The following SMG9 variants were observed in gnomAD, a reference collection of about 807,000 sequenced individuals.
The protein encoded by SMG9 is nonsense-mediated mRNA decay factor SMG9.
A neutral mutation model predicts 64.0 loss-of-function variants in SMG9; 55 were observed. The ratio of observed to expected loss-of-function variants is 0.86; its 90% CI spans 0.69 to 1.08. The LOEUF is 1.08. Ranked by LOEUF, SMG9 falls within the 50% of genes least tolerant of loss-of-function variation. The pLI, the probability that SMG9 is intolerant of heterozygous loss-of-function variation, is 0.00. For missense variants in SMG9, 554 were observed against 681.3 expected (o/e 0.81, Z 2.08); for synonymous variants, 244 against 254.8 (o/e 0.96, Z 0.41).
Position 43,754,716 on chromosome 19 carries a change from T to G in SMG9, c.-69A>C, listed in dbSNP as rs1037242887. ...GCGCTCTCCCGTGACGGGAGTCGGG[T>G]GGGGGCGGGGAGGCTGACCCAAGCC... On this transcript the variant is annotated 5_prime_UTR_variant, in exon 1 of 14. Transcript: ENST00000270066. 1.2e-4 allele frequency: 18 copies of G among 150,636 alleles called. No homozygotes were observed. Among genetic ancestry groups the G allele is most frequent in the African/African-American group, 4.1e-4 (17 of 40,998 alleles). The allele number at this position is 150,636 out of a possible 1,614,324, so 9.3% of individuals were successfully genotyped here.
In SMG9 at chr19:43,747,197, TGG is replaced by T. The variant is rs547141556; in HGVS notation, c.588+243_588+244del. On this transcript the variant is annotated intron_variant, in intron 5 of 13. Coordinates refer to ENST00000270066, the MANE Select transcript of SMG9 (RefSeq NM_019108.4). ...ATGGCACGGGAGATCCCAGGGGTCC[TGG>T]GGTGGTAGTGAGAGTACTTCTTTAC... 2.5e-3 allele frequency among the ~76,000 whole-genome samples: 385 copies of T among 152,302 alleles called. 1 individual carries two copies. The highest frequency in any genetic ancestry group is 8.7e-3 in the African/African-American group (361 of 41,566).
chr19:43,750,332 T>C (rs1333211830), intron 2 of SMG9: 1 of 659,500 alleles, frequency 1.5e-6, no homozygotes, highest in Non-Finnish European at 2.8e-6. Flanking sequence ...CTGTCTGGAA[T>C]GCTCTTCATC....
chr19:43,746,236 A>G (rs530659660), intron 5 of SMG9, among the ~76,000 whole-genome samples: 39 of 152,348 alleles, frequency 2.6e-4, no homozygotes, highest in African/African-American at 9.1e-4. Flanking sequence ...TTAAAGCAGA[A>G]TATCTATGGA....
chr19:43,750,851 G>A (rs1375316906), intron 1 of SMG9, 104 bp from the exon 2 acceptor site: 4 of 1,085,128 alleles, frequency 3.7e-6, no homozygotes, highest in Non-Finnish European at 5.1e-6. Context: ...TTTGGAGATG[G>A]AGTCTCTCTG....
intron 6 of SMG9, 25 bp from the exon 7 acceptor site, chr19:43,740,243 G>A: frequency 6.6e-7 from 1 of 1,518,982 alleles, no homozygotes; most frequent in South Asian, 1.1e-5. Context: ...AGGCAGGGGT[G>A]TGTGAGAGCT....
Position 43,744,351 on chromosome 19 carries a change from A to C in SMG9, c.701+421T>G, listed in dbSNP as rs1183527850. ...GATACTTGCTCTATGCCAGGTGCTCATTAACTTTTGCCTTCTTGATCTTAT... is the reference window on the plus strand; with the variant it reads ...GATACTTGCTCTATGCCAGGTGCTCCTTAACTTTTGCCTTCTTGATCTTAT... On this transcript the variant is annotated intron_variant, in intron 6 of 13. Coordinates refer to ENST00000270066, the MANE Select transcript of SMG9 (RefSeq NM_019108.4). Among the ~76,000 whole-genome samples, 9 of 152,332 alleles carry C rather than the reference A, an allele frequency of 5.9e-5. No individual in the cohort carries two copies. In the South Asian group the frequency reaches 1.9e-3, roughly 32 times the overall value.
Position 43,731,466 on chromosome 19 carries a change from G to A in SMG9, c.*130C>T, listed in dbSNP as rs974330875. On this transcript the variant is annotated 3_prime_UTR_variant, in exon 14 of 14. Coordinates refer to ENST00000270066, the MANE Select transcript of SMG9 (RefSeq NM_019108.4). ...CCTGGACACCTCATGTCTCTGGGCC[G>A]GGAAGCCACGATCCCTCATCCATCA... The A allele has an allele frequency of 9.4e-5, 140 of 1,496,608 alleles. No homozygotes were observed. Among genetic ancestry groups the A allele is most frequent in the Middle Eastern group, 1.8e-4 (1 of 5,486 alleles). 92.7% of individuals were successfully genotyped at this position (1,496,608 alleles called of 1,614,324 possible). A position where few individuals can be genotyped will look rare whatever the true frequency, so the allele number is the denominator to read the frequency against.
chr19:43,743,526 T>C (rs530898541), intron 6 of SMG9, among the ~76,000 whole-genome samples: 6 of 152,312 alleles, frequency 3.9e-5, no homozygotes, highest in East Asian at 1.9e-4. Flanking sequence ...CCAACGGTGG[T>C]GGCTCACACC....
rs369304252 is a variant in SMG9 at position 43,728,549 on chromosome 19, T to C, written c.*3047A>G. 8.5e-5 allele frequency: 13 copies of C among 152,240 alleles called. No individual in the cohort carries two copies. Among genetic ancestry groups the C allele is most frequent in the African/African-American group, 3.1e-4 (13 of 41,468 alleles). 9.4% of individuals were successfully genotyped at this position (152,240 alleles called of 1,614,324 possible). ...GAACCGACTAAAACAGACACCATTATGAACTCAATTAATCACCACAACACC... is the reference window on the plus strand; with the variant it reads ...GAACCGACTAAAACAGACACCATTACGAACTCAATTAATCACCACAACACC... On this transcript the variant is annotated 3_prime_UTR_variant, in exon 14 of 14. Transcript: ENST00000270066.
At chr19:43,735,990 C>G (rs910165887) in intron 9 of SMG9, among the ~76,000 whole-genome samples, 6 of 152,166 alleles carry the variant, frequency 3.9e-5, no homozygotes, top group African/African-American at 9.7e-5. Context: ...CCTGGCACAC[C>G]TAGATGTGAA....
chr19:43,733,976 T>C (rs1335118097), intron 10 of SMG9: 5 of 574,856 alleles, frequency 8.7e-6, no homozygotes, highest in East Asian at 2.9e-5. Flanking sequence ...TAAAATGAAC[T>C]GGGTCTTTGA....
At chr19:43,733,965 A>G in intron 10 of SMG9, 2 of 580,570 alleles carry the variant, frequency 3.4e-6, no homozygotes, top group Non-Finnish European at 6.1e-6. Context: ...GCGAGGGATC[A>G]TAAAATGAAC....
At position 43,748,385 on chromosome 19, in the gene SMG9, C is replaced by T. The variant is rs149040088; in HGVS notation, c.151-333G>A. On this transcript the variant is annotated intron_variant, in intron 2 of 13. Coordinates refer to ENST00000270066, the MANE Select transcript of SMG9 (RefSeq NM_019108.4). ...TCTGGGTGCAAACCTGATCCCGCCT[C>T]GTGTTGGCTGTGTGAACTTGAATAA... Among the ~76,000 whole-genome samples the T allele has an allele frequency of 4.8e-3, 734 of 152,328 alleles. 8 individuals are homozygous for T. The highest frequency in any genetic ancestry group is 0.017 in the African/African-American group (700 of 41,572).
In SMG9 at chr19:43,744,759, G is replaced by C; in HGVS notation, c.701+13C>G. The C allele has an allele frequency of 1.2e-6, 2 of 1,604,768 alleles. No individual in the cohort carries two copies. Among genetic ancestry groups the C allele is most frequent in the South Asian group, 1.1e-5 (1 of 90,526 alleles). The stretch of plus-strand genomic sequence containing the variant: ...CCCACCTCCCTCCTGCACCCTATCT[G>C]ATAGCCCCTCACCTCTGGTCCTCCT... On this transcript the variant is annotated intron_variant, in intron 6 of 13. Coordinates refer to ENST00000270066, the MANE Select transcript of SMG9 (RefSeq NM_019108.4).
intron 2 of SMG9, chr19:43,750,063 GTTA>G (rs1322838690): frequency 8.3e-6 from 4 of 482,416 alleles, no homozygotes; most frequent in Non-Finnish European, 1.7e-5. Context: ...AACAGTTGTT[GTTA>G]TTATGACATG....
intron 1 of SMG9, among the ~76,000 whole-genome samples, chr19:43,751,182 G>A (rs1969183117): frequency 1.3e-5 from 2 of 151,928 alleles, no homozygotes; most frequent in African/African-American, 4.8e-5. Flanking sequence ...CACCGAGGCT[G>A]GAGTGCAATG....
chr19:43,748,219 G>T (rs1969089077), intron 2 of SMG9, among the ~76,000 whole-genome samples, 167 bp from the exon 3 acceptor site: 1 of 152,198 alleles, frequency 6.6e-6, no homozygotes, highest in Non-Finnish European at 1.5e-5. Flanking sequence ...TGAAGAAAAT[G>T]AAGCCTAGAA....
chr19:43,733,824 T>C (rs2146360787), intron 10 of SMG9, 91 bp from the exon 11 acceptor site: 3 of 846,468 alleles, frequency 3.5e-6, no homozygotes, highest in East Asian at 2.5e-5. Context: ...TTGTTACCCC[T>C]GAGTTCAGAT....
Position 43,733,697 on chromosome 19 carries a change from C to T in SMG9, c.1139G>A (p.Cys380Tyr). The T allele has an allele frequency of 6.2e-7, 1 of 1,614,106 alleles. No individual in the cohort carries two copies. Among genetic ancestry groups the T allele is most frequent in the East Asian group, 2.2e-5 (1 of 44,878 alleles). Residue 380 changes from cysteine (C) to tyrosine (Y), a missense_variant, in exon 11 of 14, where the codon TGT becomes TAT. Cys to Tyr is a radical substitution (Grantham distance 194). Coordinates refer to ENST00000270066, the MANE Select transcript of SMG9 (RefSeq NM_019108.4). The part of the protein sequence containing the change: ...LQNKARREDF[C>Y]PRKLRQMHLM... ...GTGCATCTGCCGCAGCTTCCGAGGA[C>T]AGAAGTCCTCTCGGCGAGCTTTGTT...
Sources: allele counts gnomAD v4.1 joint callset (sites outside exome capture counted in the v4.1 genomes callset), GRCh38; gene constraint gnomAD v4.1.1; transcripts MANE v1.5; gene names NCBI Gene and HGNC (gene_info 2026-07-23, HGNC 2026-07-21).